Variants in KIAA1671 observed in about 807,000 individuals in gnomAD.
The protein encoded by KIAA1671 is KIAA1671.
KIAA1671 carries 52 observed loss-of-function variants against 131.2 expected under a neutral mutation model. The ratio of observed to expected loss-of-function variants is 0.40; its 90% CI spans 0.32 to 0.50. The LOEUF is 0.50. Among genes scored for constraint, KIAA1671 ranks in the 20% least tolerant of loss-of-function variants. The pLI is 0.73. For synonymous variants in KIAA1671, 1,003 were observed against 961.6 expected, an observed-to-expected ratio of 1.04 and a Z score of -0.80; for missense variants, 2,360 against 2,364.2, an observed-to-expected ratio of 1.00 and a Z score of 0.04.
At chr22:24,999,948 G>T (rs1924349501) in intron 1 of KIAA1671, among the ~76,000 whole-genome samples, 1 of 152,016 alleles carries the variant, frequency 6.6e-6, no homozygotes, top group Non-Finnish European at 1.5e-5. Flanking sequence ...GCAGTGGTGT[G>T]ATCTCAGTTC....
intron 6 of KIAA1671, chr22:25,060,165 A>T (rs191624392): frequency 6.6e-6 from 1 of 152,232 alleles, no homozygotes; most frequent in African/African-American, 2.4e-5. Flanking sequence ...AGCAGAACTG[A>T]TGATCCTGAT....
chr22:24,976,567 T>C (rs1396366564), intron 1 of KIAA1671, among the ~76,000 whole-genome samples: 1 of 152,102 alleles, frequency 6.6e-6, no homozygotes, highest in Non-Finnish European at 1.5e-5. Flanking sequence ...ACTGGCCACC[T>C]GCCAGACTTG....
chr22:24,961,004 T>C (rs1734811944), intron 1 of KIAA1671, among the ~76,000 whole-genome samples: 1 of 152,068 alleles, frequency 6.6e-6, no homozygotes, highest in Non-Finnish European at 1.5e-5. Flanking sequence ...TGGGGTTCTT[T>C]TTGTTGTTGT....
At chr22:25,170,015 G>A (rs1200707886) in intron 6 of KIAA1671, among the ~76,000 whole-genome samples, 4 of 152,206 alleles carry the variant, frequency 2.6e-5, no homozygotes, top group Non-Finnish European at 4.4e-5. Flanking sequence ...CCGAGTTCAC[G>A]CCGTTCTCCT....
Position 25,177,532 on chromosome 22 carries a change from G to A in KIAA1671, c.5074+10G>A, listed in dbSNP as rs1318357177. The A allele has an allele frequency of 4.5e-6, 7 of 1,546,338 alleles. No individual in the cohort carries two copies. In the South Asian group the frequency reaches 7.2e-5, roughly 16 times the overall value. ...TTCAAAGACTCAACGGGTATGCCAT[G>A]ACTTCTCTCCTCCTCAGATAGCACA... is the stretch of plus-strand genomic sequence containing the variant. On this transcript the variant is annotated intron_variant, in intron 9 of 12. Coordinates refer to ENST00000358431, the MANE Select transcript of KIAA1671 (RefSeq NM_001145206.2).
At chr22:24,969,449 G>GAC (rs942018874) in intron 1 of KIAA1671, among the ~76,000 whole-genome samples, 115 of 151,540 alleles carry the variant, frequency 7.6e-4, no homozygotes, top group African/African-American at 2.4e-3. Flanking sequence ...ATGGAATAAT[G>GAC]ACAAAAAAAA....
intron 8 of KIAA1671, 187 bp from the exon 9 acceptor site, chr22:25,177,161 G>C: frequency 1.6e-6 from 1 of 606,648 alleles, no homozygotes; most frequent in South Asian, 2.2e-5. Flanking sequence ...AGCCTATGGG[G>C]TATGTTTTAT....
chr22:25,163,402 G>A (rs866024174), intron 6 of KIAA1671, among the ~76,000 whole-genome samples: 39 of 108,776 alleles, frequency 3.6e-4, no homozygotes, highest in Middle Eastern at 6.1e-3. Context: ...TTCTGTGACA[G>A]TAAATATTAC....
At chr22:24,979,079 T>G (rs1191354455) in intron 1 of KIAA1671, among the ~76,000 whole-genome samples, 1 of 151,140 alleles carries the variant, frequency 6.6e-6, no homozygotes, top group African/African-American at 2.4e-5. Context: ...CACTGCAACC[T>G]CTGCCTCCAA....
chr22:25,092,118 T>A (rs566479453), intron 6 of KIAA1671, among the ~76,000 whole-genome samples: 1 of 152,290 alleles, frequency 6.6e-6, no homozygotes, highest in African/African-American at 2.4e-5. Context: ...TGAGTGTGTG[T>A]TCTAGTGGGA....
chr22:25,079,536 C>T (rs1256531363), intron 6 of KIAA1671, among the ~76,000 whole-genome samples: 1 of 152,102 alleles, frequency 6.6e-6, no homozygotes, highest in African/African-American at 2.4e-5. Flanking sequence ...GCCTCTGCCT[C>T]TCTAAAAAGG....
At chr22:25,033,585 T>G (rs1425662764) in intron 4 of KIAA1671, among the ~76,000 whole-genome samples, 2 of 125,632 alleles carry the variant, frequency 1.6e-5, no homozygotes, top group Admixed American at 7.8e-5. Context: ...TTTTTTTTTT[T>G]TTTTTTTTTT....
intron 2 of KIAA1671, among the ~76,000 whole-genome samples, chr22:25,027,734 G>A (rs1037430191): frequency 2.0e-5 from 3 of 152,282 alleles, no homozygotes; most frequent in African/African-American, 7.2e-5. Context: ...GAGCTGGAAC[G>A]AACTTCAGGG....
chr22:25,051,082 T>C (rs1320770396), intron 6 of KIAA1671: 1 of 152,588 alleles, frequency 6.6e-6, no homozygotes, highest in Non-Finnish European at 1.5e-5. Context: ...TCTTTCCTTC[T>C]GGCCTCTGAG....
intron 1 of KIAA1671, among the ~76,000 whole-genome samples, chr22:25,005,334 C>T (rs373238369): frequency 2.2e-5 from 3 of 133,758 alleles, no homozygotes; most frequent in East Asian, 2.0e-4. Context: ...GGTGACAGAG[C>T]GAGACTCCAT....
chr22:24,953,926 A>G (rs144559387), intron 1 of KIAA1671, among the ~76,000 whole-genome samples: 5 of 152,066 alleles, frequency 3.3e-5, no homozygotes, highest in Non-Finnish European at 5.9e-5. Flanking sequence ...CAAAACACTT[A>G]ACCTATCTGA....
intron 6 of KIAA1671, among the ~76,000 whole-genome samples, chr22:25,106,478 G>C (rs191209065): frequency 6.6e-6 from 1 of 152,188 alleles, no homozygotes; most frequent in Non-Finnish European, 1.5e-5. Context: ...TAGCTGCATC[G>C]ATGGAAATGA....
chr22:25,059,929 C>T (rs1229389585), intron 6 of KIAA1671: 1 of 152,198 alleles, frequency 6.6e-6, no homozygotes, highest in Non-Finnish European at 1.5e-5. Flanking sequence ...AATCCCTGAT[C>T]TGGGGATTCC....
chr22:25,156,318 C>T lies in KIAA1671; in HGVS notation c.4531-14502C>T, dbSNP rs577941586. On this transcript the variant is annotated intron_variant, in intron 6 of 12. Transcript: ENST00000358431. ...GGGATTACAGGCATGAGCCACCGTG[C>T]CTGGCCTGTATGTGCTTTTTATGTA... Among the ~76,000 whole-genome samples the T allele has an allele frequency of 2.0e-5, 3 of 151,812 alleles. No homozygotes were observed. The South Asian group carries it at 6.2e-4, about 32-fold the overall frequency.
Sources: allele counts gnomAD v4.1 joint callset (sites outside exome capture counted in the v4.1 genomes callset), GRCh38; gene constraint gnomAD v4.1.1; transcripts MANE v1.5; gene names NCBI Gene and HGNC (gene_info 2026-07-23, HGNC 2026-07-21).